TRDN: variants seen among roughly 807,000 people sequenced by gnomAD.
TRDN encodes the protein triadin in skeletal muscle.
TRDN carries 161 observed loss-of-function variants against 149.7 expected under a neutral mutation model. The ratio of observed to expected loss-of-function variants is 1.08; its 90% CI spans 0.95 to 1.23. The LOEUF is 1.23. Among genes scored for constraint, TRDN ranks in the 50% most tolerant of loss-of-function variants. The pLI, the probability that TRDN is intolerant of heterozygous loss-of-function variation, is 0.00. For missense variants in TRDN, 896 were observed against 823.5 expected (o/e 1.09, Z -1.08); for synonymous variants, 294 against 250.5 (o/e 1.17, Z -1.64).
At chr6:123,433,591 T>C (rs537979566) in intron 12 of TRDN, among the ~76,000 whole-genome samples, 6 of 152,278 alleles carry the variant, frequency 3.9e-5, no homozygotes, top group African/African-American at 7.2e-5. Context: ...AAAAGCTATG[T>C]GGTTTTAATA....
At chr6:123,455,133 G>C (rs1023451552) in intron 10 of TRDN, among the ~76,000 whole-genome samples, 1 of 151,962 alleles carries the variant, frequency 6.6e-6, no homozygotes, top group African/African-American at 2.4e-5. Context: ...TTGACTTCAC[G>C]ATTTTTTTTT....
intron 1 of TRDN, among the ~76,000 whole-genome samples, chr6:123,606,511 T>G (rs1391208868): frequency 1.3e-5 from 2 of 152,098 alleles, no homozygotes; most frequent in Non-Finnish European, 2.9e-5. Context: ...TTCCTCATCA[T>G]TAGGCTTTAC....
Position 123,265,359 on chromosome 6 carries a change from AAAAAG to A in TRDN, c.1784-26_1784-22del, listed in dbSNP as rs968552198. ...TTTGTCTAAAAAGGAAAAAAGAAAA[AAAAAG>A]AAAATGAGTGATAATTTTCTATCTA... On this transcript the variant is annotated intron_variant, in intron 32 of 40. Coordinates refer to ENST00000334268, the MANE Select transcript of TRDN (RefSeq NM_006073.4). 6 of 1,397,172 alleles carry A rather than the reference AAAAAG, an allele frequency of 4.3e-6. No individual in the cohort carries two copies. The African/African-American group carries it at 8.9e-5, about 21-fold the overall frequency. 86.5% of individuals were successfully genotyped at this position (1,397,172 alleles called of 1,614,324 possible). A position where few individuals can be genotyped will look rare whatever the true frequency, so the allele number is the denominator to read the frequency against.
Position 123,267,961 on chromosome 6 carries a change from C to T in TRDN, c.1739-210G>A, listed in dbSNP as rs10457445. 0.45 allele frequency among the ~76,000 whole-genome samples: 69,037 copies of T among 151,834 alleles called. 16,545 individuals carry two copies. The highest frequency in any genetic ancestry group is 0.57 in the Admixed American group (8,682 of 15,226). ...AGGACACCCAGGAAAAGGCTTTTTT[C>T]TACATTTGGCTGAAAGACAGTATTA... On this transcript the variant is annotated intron_variant, in intron 31 of 40. Coordinates refer to ENST00000334268, the MANE Select transcript of TRDN (RefSeq NM_006073.4).
At chr6:123,395,672 T>C (rs1414792967) in intron 12 of TRDN, among the ~76,000 whole-genome samples, 2 of 152,142 alleles carry the variant, frequency 1.3e-5, no homozygotes, top group Admixed American at 1.3e-4. Context: ...GAAGATACTG[T>C]TTCCAGGTAA....
chr6:123,315,981 A>G (rs565060267), intron 24 of TRDN, among the ~76,000 whole-genome samples: 76 of 152,090 alleles, frequency 5.0e-4, no homozygotes, highest in African/African-American at 1.6e-3. Flanking sequence ...GTGTGAAAGA[A>G]AAGTGTTTAA....
At chr6:123,458,509 A>G (rs1366793899) in intron 10 of TRDN, among the ~76,000 whole-genome samples, 1 of 152,218 alleles carries the variant, frequency 6.6e-6, no homozygotes, top group Non-Finnish European at 1.5e-5. Context: ...TCAAGACTGC[A>G]AAACAAACTA....
chr6:123,370,870 G>T (rs896219317), intron 19 of TRDN, among the ~76,000 whole-genome samples: 2 of 143,648 alleles, frequency 1.4e-5, no homozygotes, highest in Non-Finnish European at 1.5e-5. Context: ...CTTATATCTA[G>T]TGCCCATTTT....
intron 1 of TRDN, among the ~76,000 whole-genome samples, chr6:123,595,103 C>T (rs1041663631): frequency 2.0e-5 from 3 of 152,014 alleles, no homozygotes; most frequent in Non-Finnish European, 4.4e-5. Flanking sequence ...AAAATAGCAA[C>T]ATTTCCTGGT....
chr6:123,413,021 G>A (rs1442318115), intron 12 of TRDN, among the ~76,000 whole-genome samples: 1 of 151,854 alleles, frequency 6.6e-6, no homozygotes, highest in African/African-American at 2.4e-5. Flanking sequence ...GGAATGTGGT[G>A]GACAATGAAA....
At chr6:123,612,125 T>C (rs1242347911) in intron 1 of TRDN, among the ~76,000 whole-genome samples, 1 of 151,380 alleles carries the variant, frequency 6.6e-6, no homozygotes. Flanking sequence ...GCGCAATGGC[T>C]CACACCTGTA....
chr6:123,249,739 T>C (rs563277708), intron 38 of TRDN, among the ~76,000 whole-genome samples: 2 of 152,150 alleles, frequency 1.3e-5, no homozygotes, highest in South Asian at 4.1e-4. Flanking sequence ...TGTGTACACA[T>C]GGACATAAAG....
In TRDN at chr6:123,510,880, G is replaced by C. The variant is rs1218154624; in HGVS notation, c.610+1423C>G. 2.0e-5 allele frequency among the ~76,000 whole-genome samples: 3 copies of C among 152,238 alleles called. No individual in the cohort carries two copies. The East Asian group carries it at 5.8e-4, about 29-fold the overall frequency. Reference sequence around the variant, plus strand: ...GCTGGTTTTGAATTCCTGACCTCAAGTGATTCACCGGCCTCGGCCTCCCAG... The same window carrying C: ...GCTGGTTTTGAATTCCTGACCTCAACTGATTCACCGGCCTCGGCCTCCCAG... On this transcript the variant is annotated intron_variant, in intron 7 of 40. Transcript: ENST00000334268.
intron 16 of TRDN, among the ~76,000 whole-genome samples, chr6:123,378,182 G>T (rs998986238): frequency 1.5e-4 from 23 of 151,978 alleles, no homozygotes; most frequent in African/African-American, 5.3e-4. Context: ...AATCCATAAA[G>T]GGTGAAAAAA....
intron 38 of TRDN, among the ~76,000 whole-genome samples, chr6:123,229,051 G>T (rs1454230639): frequency 1.3e-5 from 2 of 151,894 alleles, no homozygotes; most frequent in East Asian, 3.9e-4. Context: ...TAACATTGAA[G>T]AATAAAATTG....
intron 12 of TRDN, among the ~76,000 whole-genome samples, chr6:123,436,594 G>T (rs865975696): frequency 6.6e-6 from 1 of 151,724 alleles, no homozygotes; most frequent in Admixed American, 6.6e-5. Context: ...TCTTTTTAGG[G>T]TCCTCACCAC....
chr6:123,464,081 A>T (rs1207987924), intron 10 of TRDN, among the ~76,000 whole-genome samples: 1 of 152,174 alleles, frequency 6.6e-6, no homozygotes, highest in Non-Finnish European at 1.5e-5. Flanking sequence ...AAAATTAATG[A>T]TTTAGCTTTA....
chr6:123,274,354 G>A (rs1199109065), intron 27 of TRDN, among the ~76,000 whole-genome samples: 1 of 152,052 alleles, frequency 6.6e-6, no homozygotes, highest in African/African-American at 2.4e-5. Context: ...CATAAGTTAA[G>A]CATGATTATT....
At chr6:123,429,153 G>C (rs1774237514) in intron 12 of TRDN, 2 of 152,082 alleles carry the variant, frequency 1.3e-5, no homozygotes, top group South Asian at 4.1e-4. Context: ...AAGTGCTTTT[G>C]GGTCCCAAAA....
Sources: allele counts gnomAD v4.1 joint callset (sites outside exome capture counted in the v4.1 genomes callset), GRCh38; gene constraint gnomAD v4.1.1; transcripts MANE v1.5; gene names NCBI Gene and HGNC (gene_info 2026-07-23, HGNC 2026-07-21).